Variants in GRB2 observed in about 807,000 individuals in gnomAD.
GRB2 encodes growth factor receptor-bound protein 2.
GRB2 carries 2 observed loss-of-function variants against 27.4 expected under a neutral mutation model. The ratio of observed to expected loss-of-function variants is 0.07; its 90% CI spans 0.03 to 0.23. GRB2 has a LOEUF of 0.23. Ranked by LOEUF, GRB2 falls within the 10% of genes least tolerant of loss-of-function variation. GRB2 has a pLI of 1.00. For missense variants in GRB2, 102 were observed against 282.4 expected (o/e 0.36, Z 4.58); for synonymous variants, 94 against 99.6 (o/e 0.94, Z 0.33).
intron 2 of GRB2, among the ~76,000 whole-genome samples, chr17:75,351,325 A>G (rs539813670): frequency 3.3e-5 from 5 of 152,280 alleles, no homozygotes; most frequent in African/African-American, 1.2e-4. Flanking sequence ...ATGTCATATC[A>G]TAGGCTTCTC....
chr17:75,321,581 T>TG (rs1481841530), intron 5 of GRB2, 78 bp downstream of exon 5: 12 of 1,367,384 alleles, frequency 8.8e-6, no homozygotes, highest in Non-Finnish European at 1.2e-5. Context: ...GAGGGGCGCC[T>TG]CCCCTTTCCT....
intron 2 of GRB2, among the ~76,000 whole-genome samples, chr17:75,343,258 G>A (rs1261660428): frequency 6.6e-6 from 1 of 151,958 alleles, no homozygotes; most frequent in South Asian, 2.1e-4. Flanking sequence ...TGTCTGACTT[G>A]TGACAGACTT....
At chr17:75,374,527 TGA>T (rs1567871029) in intron 2 of GRB2, among the ~76,000 whole-genome samples, 1 of 151,972 alleles carries the variant, frequency 6.6e-6, no homozygotes, top group African/African-American at 2.4e-5. Context: ...CTCAGGAGTT[TGA>T]GATTAGCCTG....
intron 3 of GRB2, among the ~76,000 whole-genome samples, chr17:75,329,463 C>T (rs1246965417): frequency 2.6e-5 from 4 of 151,412 alleles, no homozygotes; most frequent in East Asian, 1.9e-4. Context: ...TTAAAATTAA[C>T]GCAATTTTAT....
At chr17:75,354,872 A>T (rs1454277458) in intron 2 of GRB2, among the ~76,000 whole-genome samples, 1 of 152,254 alleles carries the variant, frequency 6.6e-6, no homozygotes, top group Non-Finnish European at 1.5e-5. Flanking sequence ...ATAGTGAATA[A>T]AAACAGATCT....
intron 2 of GRB2, among the ~76,000 whole-genome samples, chr17:75,333,890 G>C (rs908479656): frequency 6.6e-6 from 1 of 152,166 alleles, no homozygotes; most frequent in African/African-American, 2.4e-5. Context: ...CCCAGGTTAC[G>C]AGGTAGTGAC....
chr17:75,323,061 G>C (rs949133667), intron 4 of GRB2, among the ~76,000 whole-genome samples: 1 of 150,008 alleles, frequency 6.7e-6, no homozygotes, highest in Non-Finnish European at 1.5e-5. Flanking sequence ...GGAGCTTGCA[G>C]TGAGCCGAGA....
chr17:75,379,363 T>A (rs1317109959), intron 2 of GRB2, among the ~76,000 whole-genome samples: 3 of 150,360 alleles, frequency 2.0e-5, no homozygotes, highest in African/African-American at 7.3e-5. Flanking sequence ...CTAATAAAAA[T>A]TTTAAAAGAA....
intron 2 of GRB2, among the ~76,000 whole-genome samples, chr17:75,375,176 G>C (rs1247034167): frequency 2.6e-5 from 4 of 152,106 alleles, no homozygotes; most frequent in Middle Eastern, 3.4e-3. Flanking sequence ...CCAAAGTGCT[G>C]GGAATACAGA....
At position 75,384,718 on chromosome 17, in the gene GRB2, T is replaced by C. The variant is rs1313375844; in HGVS notation, c.78+8833A>G. Among the ~76,000 whole-genome samples the C allele has an allele frequency of 2.6e-5, 4 of 151,894 alleles. No homozygotes were observed. The East Asian group carries it at 5.8e-4, about 22-fold the overall frequency. ...AAATAAATAATAAAACTGATACATA[T>C]GGTAACTAATTCAAGAGTATGAAGA... On this transcript the variant is annotated intron_variant, in intron 2 of 5. Transcript: ENST00000316804.
chr17:75,364,257 AG>A (rs2078805180), intron 2 of GRB2, among the ~76,000 whole-genome samples: 1 of 152,212 alleles, frequency 6.6e-6, no homozygotes, highest in Non-Finnish European at 1.5e-5. Flanking sequence ...TATCCTTCAC[AG>A]TAGTGGCTGT....
At chr17:75,388,713 C>T (rs990035335) in intron 2 of GRB2, among the ~76,000 whole-genome samples, 1 of 151,670 alleles carries the variant, frequency 6.6e-6, no homozygotes, top group African/African-American at 2.4e-5. Context: ...GCAGGTGGGG[C>T]CTTCAGGCTT....
intron 2 of GRB2, among the ~76,000 whole-genome samples, chr17:75,355,507 G>T (rs148523393): frequency 6.6e-6 from 1 of 151,484 alleles, no homozygotes; most frequent in Non-Finnish European, 1.5e-5. Flanking sequence ...CACATAAATC[G>T]GGGATGTCCA....
At chr17:75,363,859 CAAAAAAAAAAAAAAAAAAAA>C (rs55746272) in intron 2 of GRB2, among the ~76,000 whole-genome samples, 34 of 58,536 alleles carry the variant, frequency 5.8e-4, no homozygotes, top group African/African-American at 2.2e-3. Flanking sequence ...GACTCCGTCT[CAAAAAAAAAAAAAAAAAAAA>C]AAAAAAAAAA....
chr17:75,362,506 A>G (rs192499827), intron 2 of GRB2, among the ~76,000 whole-genome samples: 32 of 152,316 alleles, frequency 2.1e-4, no homozygotes, highest in Non-Finnish European at 4.3e-4. Context: ...GAGCCAAAAG[A>G]TATTTTTTGA....
rs763192886 is a variant in GRB2 at position 75,320,673 on chromosome 17, C to T, written c.469-120G>A. ...TGCCAAATTCTCCATGTTTCTTAAACTCACCTCCCATCTCCCAACCCCCCG... is the reference window on the plus strand; with the variant it reads ...TGCCAAATTCTCCATGTTTCTTAAATTCACCTCCCATCTCCCAACCCCCCG... On this transcript the variant is annotated intron_variant, in intron 5 of 5. Transcript: ENST00000316804. This position sits in a 1 kb window ranked among gnomAD's most constrained non-coding sequence, Gnocchi z 4.3. 2.9e-6 allele frequency: 2 copies of T among 698,534 alleles called. No individual in the cohort carries two copies. The highest frequency in any genetic ancestry group is 5.0e-6 in the Non-Finnish European group (2 of 402,702). 43.3% of individuals were successfully genotyped at this position (698,534 alleles called of 1,614,324 possible). A position where few individuals can be genotyped will look rare whatever the true frequency, so the allele number is the denominator to read the frequency against.
intron 2 of GRB2, among the ~76,000 whole-genome samples, chr17:75,369,864 A>AC: frequency 6.6e-6 from 1 of 151,846 alleles, no homozygotes; most frequent in Non-Finnish European, 1.5e-5. Flanking sequence ...TCAAAAAAAA[A>AC]AAACTGTTTT....
In GRB2 at chr17:75,397,529, AT is replaced by A. The variant is rs1210303255; in HGVS notation, c.-137-3765del. 4.6e-5 allele frequency among the ~76,000 whole-genome samples: 7 copies of A among 152,032 alleles called. No homozygotes were observed. The South Asian group carries it at 1.2e-3, about 27-fold the overall frequency. ...CTACTATCCTAAAGGTATTTGCAAG[AT>A]TTTTTTTCTTTCTTCCATTTAACTC... On this transcript the variant is annotated intron_variant, in intron 1 of 5. Coordinates refer to ENST00000316804, the MANE Select transcript of GRB2 (RefSeq NM_002086.5).
intron 2 of GRB2, among the ~76,000 whole-genome samples, chr17:75,340,246 A>G (rs1426909247): frequency 6.6e-6 from 1 of 152,248 alleles, no homozygotes; most frequent in Non-Finnish European, 1.5e-5. Context: ...ACATTTGTGC[A>G]TGAATGATAG....
Sources: allele counts gnomAD v4.1 joint callset (sites outside exome capture counted in the v4.1 genomes callset), GRCh38; gene constraint gnomAD v4.1.1; non-coding constraint Gnocchi (gnomAD v3.1); transcripts MANE v1.5; gene names NCBI Gene and HGNC (gene_info 2026-07-23, HGNC 2026-07-21).